Variants in RYR1 observed in about 807,000 individuals in gnomAD.
RYR1 encodes ryanodine receptor 1.
Under a neutral mutation model 583.5 loss-of-function variants are expected in RYR1, and 342 were observed. The ratio of observed to expected loss-of-function variants is 0.59; its 90% CI spans 0.54 to 0.64. RYR1 has a LOEUF of 0.64. RYR1 is among the 30% of genes least tolerant of loss of function. The pLI is 0.00. For missense variants in RYR1, 6,032 were observed against 6,917.2 expected, an observed-to-expected ratio of 0.87 and a Z score of 4.54; for synonymous variants, 2,791 against 2,822.5, an observed-to-expected ratio of 0.99 and a Z score of 0.35.
intron 73 of RYR1, 141 bp downstream of exon 73, chr19:38,527,925 C>T (rs960267317): frequency 5.3e-6 from 5 of 943,808 alleles, no homozygotes; most frequent in Non-Finnish European, 7.8e-6. Flanking sequence ...GAGTTTAAGG[C>T]GAGGCTTAGA....
rs1311509084 is a variant in RYR1 at position 38,499,257 on chromosome 19, G to A, written c.7027+14G>A. 2 of 1,614,024 alleles carry A rather than the reference G, an allele frequency of 1.2e-6. No homozygotes were observed. The highest frequency in any genetic ancestry group is 8.5e-7 in the Non-Finnish European group (1 of 1,180,016). On this transcript the variant is annotated intron_variant, in intron 43 of 105. Transcript: ENST00000359596. This position sits in a 1 kb window ranked among gnomAD's most constrained non-coding sequence, Gnocchi z 7.3. Reference sequence around the variant, plus strand: ...TCTTCGTCAACGGTGAGGAGGGGGTGGCAGTGGCAGAGCGGGAAGTATGGA... The same window carrying A: ...TCTTCGTCAACGGTGAGGAGGGGGTAGCAGTGGCAGAGCGGGAAGTATGGA...
Position 38,510,514 on chromosome 19 carries a change from T to C in RYR1, c.8949T>C (p.Ser2983=), listed in dbSNP as rs116537677. Residue 2983 remains serine (S), a synonymous_variant, in exon 59 of 106, where the codon AGT becomes AGC. Coordinates refer to ENST00000359596, the MANE Select transcript of RYR1 (RefSeq NM_000540.3). The part of the protein sequence containing the change: ...FIAHLEAVVS[S]GRVEKSPHEQ... ...TCCCTACAGAGGCTGTGGTCAGCAG[T>C]GGGCGAGTGGAAAAGTCCCCACATG... 1,153 of 1,614,184 alleles carry C rather than the reference T, an allele frequency of 7.1e-4. 6 individuals carry two copies. The African/African-American group carries it at 0.014, about 20-fold the overall frequency.
chr19:38,509,515 C>A (rs1375470519), intron 58 of RYR1, among the ~76,000 whole-genome samples: 1 of 147,358 alleles, frequency 6.8e-6, no homozygotes, highest in Admixed American at 6.8e-5. Context: ...TGCAGTGGCG[C>A]GATCTCAGCT....
chr19:38,572,243 C>T lies in RYR1; in HGVS notation c.13971C>T (p.Leu4657=), dbSNP rs1188860780. The part of the protein sequence containing the change: ...LSLLHTLVAF[L]CIIGYNCLKV... ...TCCTGCATACACTGGTGGCCTTTCT[C>T]TGCATCATTGGCTATAATTGTCTCA... The change falls in exon 95 of 106, where the codon CTC becomes CTT. Residue 4657 remains leucine, a synonymous_variant. Transcript: ENST00000359596. 3.1e-6 allele frequency: 5 copies of T among 1,592,594 alleles called. No homozygotes were observed. Among genetic ancestry groups the T allele is most frequent in the Non-Finnish European group, 4.3e-6 (5 of 1,167,948 alleles).
At chr19:38,469,259 C>T in intron 26 of RYR1, 46 bp from the exon 27 acceptor site, 2 of 1,610,038 alleles carry the variant, frequency 1.2e-6, no homozygotes, top group East Asian at 2.2e-5. Flanking sequence ...CTCCCTCTGC[C>T]CTGCCCACCT....
At position 38,565,324 on chromosome 19, in the gene RYR1, C is replaced by CGT. The variant is rs1973354113; in HGVS notation, c.12991_12992insTG (p.Ala4331ValfsTer11). ...GGCTTACGGCCCGCGAGGCGGCCAC[C>CGT]GCAGTGGCGGCGCTGCTCTGGGCAG... On this transcript the variant is annotated frameshift_variant, in exon 91 of 106. Transcript: ENST00000359596. LOFTEE classifies it high-confidence loss of function. This position sits in a 1 kb window ranked among gnomAD's most constrained non-coding sequence, Gnocchi z 4.7. 1 of 1,175,758 alleles carries CGT rather than the reference C, an allele frequency of 8.5e-7. No individual in the cohort carries two copies. Among genetic ancestry groups the CGT allele is most frequent in the Admixed American group, 4.7e-5 (1 of 21,460 alleles). The allele number at this position is 1,175,758 out of a possible 1,614,324, so 72.8% of individuals were successfully genotyped here. A position where few individuals can be genotyped will look rare whatever the true frequency, so the allele number is the denominator to read the frequency against.
chr19:38,562,091 T>A (rs1447590280), intron 90 of RYR1, among the ~76,000 whole-genome samples: 1 of 151,744 alleles, frequency 6.6e-6, no homozygotes, highest in Admixed American at 6.6e-5. Context: ...CAATGAGCCC[T>A]CTCAGAACCC....
Position 38,548,225 on chromosome 19 carries a change from G to A in RYR1, c.12095-8G>A, listed in dbSNP as rs1337974292. The A allele has an allele frequency of 1.9e-6, 3 of 1,614,016 alleles. No homozygotes were observed. In the Admixed American group the frequency reaches 5.0e-5, roughly 27 times the overall value. ...TCACCGGCCACACTGACCTGGGGCT[G>A]CCTGCAGGGAACGTGGTGAACGGCA... On this transcript the variant is annotated splice_region_variant and splice_polypyrimidine_tract_variant and intron_variant, in intron 88 of 105. Coordinates refer to ENST00000359596, the MANE Select transcript of RYR1 (RefSeq NM_000540.3).
Position 38,500,266 on chromosome 19 carries a change from G to A in RYR1, c.7323+250G>A, listed in dbSNP as rs1474895264. On this transcript the variant is annotated intron_variant, in intron 45 of 105. Coordinates refer to ENST00000359596, the MANE Select transcript of RYR1 (RefSeq NM_000540.3). The surrounding 1 kb of genome is among the most constrained non-coding windows in gnomAD (Gnocchi z 5.9). ...GGGATGGGGGAGCACAGGAAGAGGG[G>A]TCGGGGCTGGGATTGCAGGGCACAC... is the stretch of plus-strand genomic sequence containing the variant. Among the ~76,000 whole-genome samples the A allele has an allele frequency of 2.0e-5, 3 of 151,460 alleles. No homozygotes were observed. Among genetic ancestry groups the A allele is most frequent in the African/African-American group, 7.3e-5 (3 of 41,142 alleles).
At position 38,543,364 on chromosome 19, in the gene RYR1, C is replaced by A; in HGVS notation, c.11707C>A (p.Arg3903=). 1.2e-6 allele frequency: 2 copies of A among 1,614,184 alleles called. No homozygotes were observed. The highest frequency in any genetic ancestry group is 2.7e-5 in the African/African-American group (2 of 75,048). ...GHNNDFQNYL[R]TQTGNTTTIN... ...CTCCCCAGATTTCCAGAACTACCTA[C>A]GGACACAGACAGGGAACACGACCAC... Residue 3903 remains arginine (R), a synonymous_variant, in exon 85 of 106, where the codon CGG becomes AGG. Coordinates refer to ENST00000359596, the MANE Select transcript of RYR1 (RefSeq NM_000540.3). The surrounding 1 kb of genome is among the most constrained non-coding windows in gnomAD (Gnocchi z 4.4).
At chr19:38,544,920 C>T (rs897373747) in intron 87 of RYR1, among the ~76,000 whole-genome samples, 5 of 152,158 alleles carry the variant, frequency 3.3e-5, no homozygotes, top group African/African-American at 1.2e-4. Flanking sequence ...AGATCCAGGG[C>T]TTAGAGTGAT....
intron 101 of RYR1, among the ~76,000 whole-genome samples, chr19:38,583,745 G>A (rs1251299287): frequency 6.6e-6 from 1 of 151,984 alleles, no homozygotes; most frequent in African/African-American, 2.4e-5. Context: ...CTTTGCACCT[G>A]ATGTTCTCTC....
At position 38,473,666 on chromosome 19, in the gene RYR1, C is replaced by T. The variant is rs112105381; in HGVS notation, c.4055C>T (p.Ala1352Val). The change falls in exon 28 of 106, where the codon GCG becomes GTG. Residue 1352 changes from alanine (A) to valine (V), a missense_variant. Coordinates refer to ENST00000359596, the MANE Select transcript of RYR1 (RefSeq NM_000540.3). ...SEAENGKEGT[A>V]KEGAPGGTPQ... ...GCAGAGAACGGCAAAGAAGGGACTGCGAAGGAGGGCGCCCCCGGGGGCACC... is the reference window on the plus strand; with the variant it reads ...GCAGAGAACGGCAAAGAAGGGACTGTGAAGGAGGGCGCCCCCGGGGGCACC... 3.2e-6 allele frequency: 5 copies of T among 1,552,088 alleles called. No individual in the cohort carries two copies. Among genetic ancestry groups the T allele is most frequent in the Admixed American group, 2.0e-5 (1 of 50,990 alleles).
chr19:38,570,545 T>A, intron 93 of RYR1, 62 bp from the exon 94 acceptor site: 1 of 1,266,048 alleles, frequency 7.9e-7, no homozygotes, highest in South Asian at 1.2e-5. Flanking sequence ...AATGATGGGA[T>A]GAATTCTCCA....
chr19:38,546,021 C>T (rs1972406773), intron 87 of RYR1, among the ~76,000 whole-genome samples: 1 of 152,142 alleles, frequency 6.6e-6, no homozygotes, highest in South Asian at 2.1e-4. Context: ...CCCAGAGTCC[C>T]ACTCTTGCCA....
chr19:38,496,163 C>A lies in RYR1; in HGVS notation c.6549-52C>A. ...AACGCTGTCACAGTGGTGGCTATGG[C>A]CCTCTCCGGACCTGGGCCCCTGGTG... On this transcript the variant is annotated intron_variant, in intron 39 of 105. Coordinates refer to ENST00000359596, the MANE Select transcript of RYR1 (RefSeq NM_000540.3). The surrounding 1 kb of genome is among the most constrained non-coding windows in gnomAD (Gnocchi z 4.8). The A allele has an allele frequency of 6.9e-7, 1 of 1,457,252 alleles. No homozygotes were observed. The highest frequency in any genetic ancestry group is 9.6e-7 in the Non-Finnish European group (1 of 1,042,274). The allele number at this position is 1,457,252 out of a possible 1,614,324, so 90.3% of individuals were successfully genotyped here.
At chr19:38,507,901 A>AC (rs1970551284) in intron 58 of RYR1, 74 bp downstream of exon 58, 1 of 875,432 alleles carries the variant, frequency 1.1e-6, no homozygotes, top group Non-Finnish European at 2.0e-6. Context: ...CTCACCTAGG[A>AC]CACCTGTTCA....
intron 95 of RYR1, among the ~76,000 whole-genome samples, chr19:38,572,634 G>A (rs960866402): frequency 1.3e-5 from 2 of 152,054 alleles, no homozygotes; most frequent in African/African-American, 4.8e-5. Context: ...GCACCTGCCT[G>A]TTTTATTCAT....
At chr19:38,445,910 C>T (rs770369889) in intron 7 of RYR1, among the ~76,000 whole-genome samples, 2 of 151,968 alleles carry the variant, frequency 1.3e-5, no homozygotes, top group African/African-American at 2.4e-5. Flanking sequence ...TTGCTTGAAT[C>T]TGGGAGGCAG....
Sources: gnomAD v4.1 joint callset for allele counts (sites outside exome capture counted in the v4.1 genomes callset) on GRCh38, gnomAD v4.1.1 for gene constraint, Gnocchi (gnomAD v3.1) non-coding constraint, MANE v1.5 for transcripts, NCBI Gene and HGNC (gene_info 2026-07-23, HGNC 2026-07-21) for gene names.